Variants in MSTO1 observed in about 807,000 individuals in gnomAD.
The protein encoded by MSTO1 is protein misato homolog 1.
A neutral mutation model predicts 55.7 loss-of-function variants in MSTO1; 24 were observed. That is an observed-to-expected ratio of 0.43 (90% CI 0.31 to 0.61). The LOEUF is 0.61. Among genes scored for constraint, MSTO1 ranks in the 20% least tolerant of loss-of-function variants. The pLI is 0.09. For missense variants in MSTO1, 363 were observed against 625.7 expected (o/e 0.58, Z 4.48); for synonymous variants, 162 against 252.8 (o/e 0.64, Z 3.41).
rs199883211 is a variant in MSTO1, at chr1:155,614,852, C to G, written c.*579C>G. The G allele has an allele frequency of 3.2e-6, 5 of 1,580,798 alleles. No homozygotes were observed. The South Asian group carries it at 5.8e-5, about 18-fold the overall frequency. ...GCAGTGTGGAAGAGCTGCATGAGTT[C>G]TCGAAAATGGTGGGAAACCTAAGAA... On this transcript the variant is annotated 3_prime_UTR_variant, in exon 14 of 14. Transcript: ENST00000245564.
At chr1:155,582,592 G>A in the MSTO1 span, among the ~76,000 whole-genome samples, 51 of 10,218 alleles carry the variant, frequency 5.0e-3, no homozygotes, top group Non-Finnish European at 0.038. Flanking sequence ...CCTAGTAGCT[G>A]GGATTACAAG....
At chr1:155,572,843 T>C in the MSTO1 span, among the ~76,000 whole-genome samples, 1 of 151,696 alleles carries the variant, frequency 6.6e-6, no homozygotes, top group Non-Finnish European at 1.5e-5. Flanking sequence ...AGAGATGGGG[T>C]TTCTCCATGT....
the MSTO1 span, among the ~76,000 whole-genome samples, chr1:155,576,024 G>A: frequency 6.6e-6 from 1 of 151,780 alleles, no homozygotes. Context: ...GTTTCTCCAT[G>A]TTGGCCAGGC....
At chr1:155,580,726 C>T in the MSTO1 span, among the ~76,000 whole-genome samples, 1 of 152,004 alleles carries the variant, frequency 6.6e-6, no homozygotes, top group African/African-American at 2.4e-5. Flanking sequence ...CAAAACCACC[C>T]TGGGCAACAT....
chr1:155,610,076 C>G, upstream of MSTO1: 1 of 668,666 alleles, frequency 1.5e-6, no homozygotes. Flanking sequence ...GACTGGGCCA[C>G]GTCTAGGAAG....
chr1:155,612,984 C>A lies in MSTO1; in HGVS notation c.1098+9C>A, dbSNP rs1429753740. 6.2e-7 allele frequency: 1 copy of A among 1,613,848 alleles called. No individual in the cohort carries two copies. Among genetic ancestry groups the A allele is most frequent in the Non-Finnish European group, 8.5e-7 (1 of 1,179,882 alleles). ...GCTTCTGTGGGAAAAAGGTATGAAGCTTTGTAAGGGGTTGGGTCAGTGCTG... is the reference window on the plus strand; with the variant it reads ...GCTTCTGTGGGAAAAAGGTATGAAGATTTGTAAGGGGTTGGGTCAGTGCTG... On this transcript the variant is annotated intron_variant, in intron 10 of 13. Coordinates refer to ENST00000245564, the MANE Select transcript of MSTO1 (RefSeq NM_018116.4).
chr1:155,566,627 A>G, the MSTO1 span, among the ~76,000 whole-genome samples: 1 of 147,868 alleles, frequency 6.8e-6, no homozygotes, highest in Non-Finnish European at 1.5e-5. Flanking sequence ...TTTTTTTTTT[A>G]TTCTTGAGAC....
Position 155,611,292 on chromosome 1 carries a change from G to T in MSTO1, c.366+1G>T, listed in dbSNP as rs781637955. On this transcript the variant is annotated splice_donor_variant, in intron 4 of 13. Coordinates refer to ENST00000245564, the MANE Select transcript of MSTO1 (RefSeq NM_018116.4). LOFTEE classifies it high-confidence loss of function. ...TCTCCAAGACTTTCTGAGTGCAGAGGTGAGGGCCTCTGTCCTGAACTTTTT... is the reference window on the plus strand; with the variant it reads ...TCTCCAAGACTTTCTGAGTGCAGAGTTGAGGGCCTCTGTCCTGAACTTTTT... 2 of 1,613,630 alleles carry T rather than the reference G, an allele frequency of 1.2e-6. No individual in the cohort carries two copies. The highest frequency in any genetic ancestry group is 1.7e-6 in the Non-Finnish European group (2 of 1,179,802).
chr1:155,593,070 C>A, the MSTO1 span, among the ~76,000 whole-genome samples: 1 of 152,086 alleles, frequency 6.6e-6, no homozygotes, highest in Non-Finnish European at 1.5e-5. Flanking sequence ...CAACACCACA[C>A]CTGGCTAATT....
the MSTO1 span, among the ~76,000 whole-genome samples, chr1:155,568,251 C>G: frequency 6.6e-6 from 1 of 150,392 alleles, no homozygotes. Flanking sequence ...AGCTAATTTT[C>G]GTAGTTTTAG....
the MSTO1 span, among the ~76,000 whole-genome samples, chr1:155,586,296 G>A: frequency 2.0e-5 from 3 of 151,238 alleles, no homozygotes; most frequent in East Asian, 5.8e-4. Context: ...ACCCGCCTCG[G>A]CCTCCCTAAG....
At chr1:155,576,388 G>A in the MSTO1 span, among the ~76,000 whole-genome samples, 1 of 151,844 alleles carries the variant, frequency 6.6e-6, no homozygotes, top group East Asian at 2.0e-4. Context: ...CTGCAGTGAC[G>A]CGATCTCAGC....
the MSTO1 span, among the ~76,000 whole-genome samples, chr1:155,599,829 A>G: frequency 6.6e-6 from 1 of 152,248 alleles, no homozygotes; most frequent in African/African-American, 2.4e-5. Context: ...GACAAGGTAA[A>G]GGATTAAGTG....
the MSTO1 span, among the ~76,000 whole-genome samples, chr1:155,565,107 C>T: frequency 1.9e-4 from 29 of 150,512 alleles, no homozygotes; most frequent in African/African-American, 7.1e-4. Flanking sequence ...GGCAACAGTG[C>T]GAGACTTTGT....
Position 155,610,475 on chromosome 1 carries a change from G to A in MSTO1, c.135G>A (p.Leu45=), listed in dbSNP as rs1673628351. ...ATDSKEPPGE[L]CPDVLYRTGR... ...ATTCCAAGGAGCCCCCGGGAGAGCT[G>A]TGCCCCGACGTCCTGTATCGTACGG... Residue 45 remains leucine (L), a synonymous_variant, in exon 2 of 14, where the codon CTG becomes CTA. Transcript: ENST00000245564. The A allele has an allele frequency of 1.3e-6, 1 of 798,902 alleles. No individual in the cohort carries two copies. The highest frequency in any genetic ancestry group is 2.2e-5 in the Admixed American group (1 of 45,484). The allele number at this position is 798,902 out of a possible 1,614,324, so 49.5% of individuals were successfully genotyped here. A position where few individuals can be genotyped will look rare whatever the true frequency, so the allele number is the denominator to read the frequency against.
the MSTO1 span, among the ~76,000 whole-genome samples, chr1:155,600,147 A>G: frequency 5.3e-5 from 8 of 152,338 alleles, no homozygotes; most frequent in East Asian, 1.9e-4. Flanking sequence ...ATTTCAGACT[A>G]TCACATGGGG....
Position 155,614,946 on chromosome 1 carries a change from G to T in MSTO1, c.*673G>T. Reference sequence around the variant, plus strand: ...TTTATGAAGCACTATATATTGATTTGCAAAATCTTTTGTTTATTCCACACA... The same window carrying T: ...TTTATGAAGCACTATATATTGATTTTCAAAATCTTTTGTTTATTCCACACA... On this transcript the variant is annotated 3_prime_UTR_variant, in exon 14 of 14. Coordinates refer to ENST00000245564, the MANE Select transcript of MSTO1 (RefSeq NM_018116.4). 1 of 1,078,538 alleles carries T rather than the reference G, an allele frequency of 9.3e-7. No individual in the cohort carries two copies. The highest frequency in any genetic ancestry group is 1.4e-6 in the Non-Finnish European group (1 of 716,110). 66.8% of individuals were successfully genotyped at this position (1,078,538 alleles called of 1,614,324 possible). A position where few individuals can be genotyped will look rare whatever the true frequency, so the allele number is the denominator to read the frequency against.
At chr1:155,574,870 C>CTTT in the MSTO1 span, among the ~76,000 whole-genome samples, 10 of 126,234 alleles carry the variant, frequency 7.9e-5, no homozygotes, top group African/African-American at 1.2e-4. Flanking sequence ...AGAACTTTTT[C>CTTT]TTTTTTTTTT....
chr1:155,572,481 A>G, the MSTO1 span, among the ~76,000 whole-genome samples: 1 of 152,036 alleles, frequency 6.6e-6, no homozygotes, highest in Non-Finnish European at 1.5e-5. Flanking sequence ...TTGAGAGGAC[A>G]GGCTGGTGGA....
Sources: gnomAD v4.1 joint callset for allele counts (sites outside exome capture counted in the v4.1 genomes callset) on GRCh38, gnomAD v4.1.1 for gene constraint, MANE v1.5 for transcripts, NCBI Gene and HGNC (gene_info 2026-07-23, HGNC 2026-07-21) for gene names.